Variants in AGBL3 observed in about 807,000 individuals in gnomAD.
AGBL3 encodes cytosolic carboxypeptidase 3.
AGBL3 carries 68 observed loss-of-function variants against 94.5 expected under a neutral mutation model. That is an observed-to-expected ratio of 0.72 (90% CI 0.59 to 0.88). The LOEUF is 0.88. Among genes scored for constraint, AGBL3 ranks in the 40% least tolerant of loss-of-function variants. The pLI, the probability that AGBL3 is intolerant of heterozygous loss-of-function variation, is 0.00. For missense variants in AGBL3, 934 were observed against 1,103.8 expected (o/e 0.85, Z 2.18); for synonymous variants, 354 against 370.7 (o/e 0.95, Z 0.52).
At chr7:134,997,029 A>G (rs1279578296) in intron 4 of AGBL3, among the ~76,000 whole-genome samples, 1 of 152,120 alleles carries the variant, frequency 6.6e-6, no homozygotes, top group African/African-American at 2.4e-5. Context: ...TGGTCCCCAA[A>G]CTTTTCGGCA....
intron 4 of AGBL3, among the ~76,000 whole-genome samples, chr7:134,996,551 GT>G (rs1811038363): frequency 6.6e-6 from 1 of 152,106 alleles, no homozygotes; most frequent in Admixed American, 6.5e-5. Flanking sequence ...GTCTTACACA[GT>G]CATCTATCTT....
At chr7:135,096,775 G>GAAAGAAAGAAAGAA (rs1350362783) in intron 15 of AGBL3, among the ~76,000 whole-genome samples, 9 of 148,540 alleles carry the variant, frequency 6.1e-5, no homozygotes, top group African/African-American at 2.0e-4. Context: ...AAGAAAGAAA[G>GAAAGAAAGAAAGAA]AAAGAAAGAA....
intron 16 of AGBL3, chr7:135,129,531 T>G (rs1562906184): frequency 1.3e-6 from 1 of 772,182 alleles, no homozygotes; most frequent in Admixed American, 1.7e-5. Flanking sequence ...CAAGATGACA[T>G]GTACTGGCTG....
rs1232615018 is a variant in AGBL3, at chr7:135,135,598, CA to C, written c.*338del. On this transcript the variant is annotated 3_prime_UTR_variant, in exon 17 of 17. Transcript: ENST00000436302. ...ACTTAAGAACTCAAAGTAGGAATGA[CA>C]TATAATATGTCACTGATTTTAACCT... The C allele has an allele frequency of 5.7e-6, 1 of 174,552 alleles. No individual in the cohort carries two copies. The highest frequency in any genetic ancestry group is 1.2e-5 in the Non-Finnish European group (1 of 82,454). 10.8% of individuals were successfully genotyped at this position (174,552 alleles called of 1,614,324 possible).
chr7:135,009,639 C>T (rs1249935059), intron 4 of AGBL3, among the ~76,000 whole-genome samples: 1 of 152,096 alleles, frequency 6.6e-6, no homozygotes, highest in Non-Finnish European at 1.5e-5. Context: ...TTCCCCTCCC[C>T]AACACAACAC....
At chr7:135,032,471 A>T (rs1184059034) in intron 5 of AGBL3, among the ~76,000 whole-genome samples, 2 of 134,392 alleles carry the variant, frequency 1.5e-5, no homozygotes, top group South Asian at 2.5e-4. Context: ...CACCTGGCTA[A>T]TTTTTTTTTT....
At chr7:135,095,141 C>T (rs1483146037) in intron 15 of AGBL3, among the ~76,000 whole-genome samples, 1 of 152,186 alleles carries the variant, frequency 6.6e-6, no homozygotes, top group African/African-American at 2.4e-5. Context: ...AGGGATATTT[C>T]TGCAACTCCA....
chr7:135,088,204 T>C (rs1043147666), intron 15 of AGBL3, among the ~76,000 whole-genome samples: 6 of 152,132 alleles, frequency 3.9e-5, no homozygotes, highest in Non-Finnish European at 7.4e-5. Context: ...TAAATGTGTC[T>C]TTATGGTGAA....
At chr7:135,087,732 C>T (rs10239305) in intron 15 of AGBL3, among the ~76,000 whole-genome samples, 73,626 of 151,760 alleles carry the variant, frequency 0.49, 18,222 homozygotes, top group South Asian at 0.66. Flanking sequence ...AAAATTATTT[C>T]GTTCCCTAAC....
chr7:135,132,988 T>C (rs531011458), intron 16 of AGBL3, among the ~76,000 whole-genome samples: 1 of 152,096 alleles, frequency 6.6e-6, no homozygotes, highest in South Asian at 2.1e-4. Flanking sequence ...AAAAATAAAA[T>C]GATCCCTACT....
At chr7:135,017,348 T>A in intron 5 of AGBL3, 189 bp downstream of exon 5, 1 of 554,776 alleles carries the variant, frequency 1.8e-6, no homozygotes, top group South Asian at 2.3e-5. Flanking sequence ...TGTATTGCAG[T>A]TTATGCAAAG....
Position 135,076,453 on chromosome 7 carries a change from T to C in AGBL3, c.1965T>C (p.Asn655=). The change falls in exon 13 of 17, where the codon AAT becomes AAC. Residue 655 remains asparagine, a synonymous_variant. Transcript: ENST00000436302. ...ERNSTIASHQ[N]ARGQEVYDRG... ...ATTCTACCATAGCAAGCCACCAAAA[T>C]GCCAGAGGACAAGAGGTAAATCTTC... 1.3e-6 allele frequency: 2 copies of C among 1,548,870 alleles called. No homozygotes were observed. The highest frequency in any genetic ancestry group is 1.7e-6 in the Non-Finnish European group (2 of 1,144,764).
At chr7:135,108,285 G>C (rs1251701103) in intron 15 of AGBL3, among the ~76,000 whole-genome samples, 2 of 152,102 alleles carry the variant, frequency 1.3e-5, no homozygotes, top group Non-Finnish European at 2.9e-5. Context: ...ATGCTGGCTG[G>C]CTTGTGTGAT....
At chr7:135,125,916 T>A (rs1192706469) in intron 16 of AGBL3, among the ~76,000 whole-genome samples, 1 of 152,156 alleles carries the variant, frequency 6.6e-6, no homozygotes, top group African/African-American at 2.4e-5. Context: ...GAGCTATTTA[T>A]GACAATATAT....
intron 5 of AGBL3, among the ~76,000 whole-genome samples, chr7:135,023,714 C>A (rs531219007): frequency 6.6e-6 from 1 of 152,302 alleles, no homozygotes; most frequent in South Asian, 2.1e-4. Flanking sequence ...ACTATCCTAT[C>A]CCATCCTGTG....
chr7:135,013,208 A>G (rs1813371298), intron 4 of AGBL3, among the ~76,000 whole-genome samples: 1 of 152,224 alleles, frequency 6.6e-6, no homozygotes, highest in Admixed American at 6.5e-5. Context: ...CCACAATGAG[A>G]TACCACTTTA....
intron 15 of AGBL3, among the ~76,000 whole-genome samples, chr7:135,083,126 ATC>A (rs1821059452): frequency 6.6e-6 from 1 of 151,982 alleles, no homozygotes; most frequent in South Asian, 2.1e-4. Context: ...TTACCTCAGA[ATC>A]TCTTTTTCTC....
intron 13 of AGBL3, among the ~76,000 whole-genome samples, chr7:135,078,174 G>A (rs1820627390): frequency 6.6e-6 from 1 of 152,192 alleles, no homozygotes; most frequent in South Asian, 2.1e-4. Flanking sequence ...GAAGAAGTTT[G>A]ACTGGATTAG....
At chr7:134,989,357 G>A (rs1809920892) in intron 3 of AGBL3, 47 bp downstream of exon 3, 1 of 1,289,522 alleles carries the variant, frequency 7.8e-7, no homozygotes, top group Admixed American at 2.8e-5. Context: ...AACTTTGAAT[G>A]GATAAAAAAG....
Sources: allele counts gnomAD v4.1 joint callset (sites outside exome capture counted in the v4.1 genomes callset), GRCh38; gene constraint gnomAD v4.1.1; transcripts MANE v1.5; gene names NCBI Gene and HGNC (gene_info 2026-07-23, HGNC 2026-07-21).